Variants in KCTD20 observed in about 807,000 individuals in gnomAD.
KCTD20 encodes the protein potassium channel tetramerization domain containing 20.
In KCTD20, 30 loss-of-function variants were observed where a neutral mutation model predicts 39.6. That is an observed-to-expected ratio of 0.76 (90% confidence interval 0.57 to 1.03). The LOEUF (loss-of-function observed/expected upper bound fraction) is 1.03. Ranked by LOEUF, KCTD20 falls within the 50% of genes least tolerant of loss-of-function variation. The probability of loss-of-function intolerance (pLI) is 0.00; values close to 1 mark genes in which losing one functional copy is unlikely to be tolerated. For synonymous variants in KCTD20, 162 were observed against 180.6 expected, an observed-to-expected ratio of 0.90 and a Z score of 0.83; for missense variants, 422 against 522.0, an observed-to-expected ratio of 0.81 and a Z score of 1.87.
intron 1 of KCTD20, among the ~76,000 whole-genome samples, chr6:36,465,247 G>T (rs1174472682): frequency 1.3e-5 from 2 of 148,596 alleles, no homozygotes; most frequent in Admixed American, 6.8e-5. Context: ...AGTGAGCTGG[G>T]ATCGTACCAC....
chr6:36,443,982 G>A (rs778679821), intron 1 of KCTD20, among the ~76,000 whole-genome samples: 3 of 152,204 alleles, frequency 2.0e-5, no homozygotes, highest in Admixed American at 6.5e-5. Flanking sequence ...AAAACAAAGT[G>A]TTGTAGTAGT....
intron 1 of KCTD20, among the ~76,000 whole-genome samples, chr6:36,467,491 C>G (rs1775794732): frequency 6.7e-6 from 1 of 149,776 alleles, no homozygotes; most frequent in Non-Finnish European, 1.5e-5. Context: ...GGCGCCCCCA[C>G]CACGCCCGGG....
At position 36,477,481 on chromosome 6, in the gene KCTD20, C is replaced by CA. The variant is rs1356592469; in HGVS notation, c.435-1640_435-1639insA. On this transcript the variant is annotated intron_variant, in intron 3 of 7. Coordinates refer to ENST00000373731, the MANE Select transcript of KCTD20 (RefSeq NM_173562.5). ...ATGTGAAATGGAATCATTTTCTTTT[C>CA]TTTTTTTTTTTTTTTTTGAGACGGA... 2.6e-3 allele frequency among the ~76,000 whole-genome samples: 339 copies of CA among 130,930 alleles called. 2 individuals carry two copies. Among genetic ancestry groups the CA allele is most frequent in the African/African-American group, 9.2e-3 (321 of 34,944 alleles). The allele number at this position is 130,930 out of a possible 152,430, so 85.9% of individuals were successfully genotyped here.
At chr6:36,484,371 C>A (rs1362951470) in intron 6 of KCTD20, among the ~76,000 whole-genome samples, 1 of 151,210 alleles carries the variant, frequency 6.6e-6, no homozygotes, top group East Asian at 1.9e-4. Flanking sequence ...GCAGCTCTTT[C>A]TAATTAAGGA....
chr6:36,450,210 G>A (rs555005352), intron 1 of KCTD20, among the ~76,000 whole-genome samples: 4 of 149,436 alleles, frequency 2.7e-5, no homozygotes, highest in African/African-American at 4.9e-5. Context: ...TATTGGGGCC[G>A]GGTGCAATGG....
chr6:36,485,061 C>G (rs1776375762), intron 7 of KCTD20, among the ~76,000 whole-genome samples: 1 of 152,172 alleles, frequency 6.6e-6, no homozygotes, highest in Non-Finnish European at 1.5e-5. Context: ...GGATAAAGAG[C>G]AGCAAGGGCA....
chr6:36,474,906 C>A lies in KCTD20; in HGVS notation c.278C>A (p.Pro93His), dbSNP rs760432825. Residue 93 changes from proline (P) to histidine (H), a missense_variant, in exon 3 of 8, where the codon CCT becomes CAT. Coordinates refer to ENST00000373731, the MANE Select transcript of KCTD20 (RefSeq NM_173562.5). ...AGTGGGAATAAACGGAACCATGAAC[C>A]TTTTATTGCTCCAGAAAGATTTGGA... ...FQSGNKRNHE[P>H]FIAPERFGNS... The A allele has an allele frequency of 6.2e-7, 1 of 1,614,128 alleles. No homozygotes were observed. Among genetic ancestry groups the A allele is most frequent in the Non-Finnish European group, 8.5e-7 (1 of 1,180,028 alleles).
At position 36,487,966 on chromosome 6, in the gene KCTD20, T is replaced by C. The variant is rs1776476663; in HGVS notation, c.*791T>C. 1 of 152,244 alleles carries C rather than the reference T, an allele frequency of 6.6e-6. No homozygotes were observed. Among genetic ancestry groups the C allele is most frequent in the Non-Finnish European group, 1.5e-5 (1 of 68,040 alleles). The allele number at this position is 152,244 out of a possible 1,614,324, so 9.4% of individuals were successfully genotyped here. A position where few individuals can be genotyped will look rare whatever the true frequency, so the allele number is the denominator to read the frequency against. On this transcript the variant is annotated 3_prime_UTR_variant, in exon 8 of 8. Coordinates refer to ENST00000373731, the MANE Select transcript of KCTD20 (RefSeq NM_173562.5). ...TGGGTTATCCTGGCTTGGAATCTGGTGTGAAACCATAGGTCTTAACACTCT... is the reference window on the plus strand; with the variant it reads ...TGGGTTATCCTGGCTTGGAATCTGGCGTGAAACCATAGGTCTTAACACTCT...
At chr6:36,466,706 C>T (rs1376962312) in intron 1 of KCTD20, among the ~76,000 whole-genome samples, 2 of 151,320 alleles carry the variant, frequency 1.3e-5, no homozygotes, top group African/African-American at 2.4e-5. Flanking sequence ...TTTTTTTTTC[C>T]CCGCCTTCAA....
chr6:36,451,886 C>T (rs1393397652), intron 1 of KCTD20, among the ~76,000 whole-genome samples: 1 of 152,234 alleles, frequency 6.6e-6, no homozygotes, highest in African/African-American at 2.4e-5. Flanking sequence ...TCTCAGCTCA[C>T]TGCAACCTCC....
chr6:36,485,910 CTTTTT>C (rs539635393), intron 7 of KCTD20, among the ~76,000 whole-genome samples: 22 of 147,588 alleles, frequency 1.5e-4, no homozygotes, highest in Non-Finnish European at 3.3e-4. Flanking sequence ...AGTTGGAGGA[CTTTTT>C]TTTTTAAGAG....
At chr6:36,464,378 G>C (rs952859820) in intron 1 of KCTD20, among the ~76,000 whole-genome samples, 1 of 152,132 alleles carries the variant, frequency 6.6e-6, no homozygotes, top group African/African-American at 2.4e-5. Context: ...GAGTGCAATG[G>C]CATGATAATG....
chr6:36,487,949 C>G lies in KCTD20; in HGVS notation c.*774C>G, dbSNP rs1342962432. 6.6e-6 allele frequency: 1 copy of G among 152,152 alleles called. No homozygotes were observed. The highest frequency in any genetic ancestry group is 1.9e-4 in the East Asian group (1 of 5,202). The allele number at this position is 152,152 out of a possible 1,614,324, so 9.4% of individuals were successfully genotyped here. A position where few individuals can be genotyped will look rare whatever the true frequency, so the allele number is the denominator to read the frequency against. On this transcript the variant is annotated 3_prime_UTR_variant, in exon 8 of 8. Coordinates refer to ENST00000373731, the MANE Select transcript of KCTD20 (RefSeq NM_173562.5). Reference sequence around the variant, plus strand: ...CTCCAAATCAGGCCAGTTGGGTTATCCTGGCTTGGAATCTGGTGTGAAACC... The same window carrying G: ...CTCCAAATCAGGCCAGTTGGGTTATGCTGGCTTGGAATCTGGTGTGAAACC...
At chr6:36,476,654 T>C (rs547767517) in intron 3 of KCTD20, among the ~76,000 whole-genome samples, 6 of 152,208 alleles carry the variant, frequency 3.9e-5, no homozygotes, top group Admixed American at 2.0e-4. Context: ...GGTCTTGAAC[T>C]CCTGACCTCG....
At chr6:36,485,873 A>AC (rs1324638984) in intron 7 of KCTD20, among the ~76,000 whole-genome samples, 1 of 151,138 alleles carries the variant, frequency 6.6e-6, no homozygotes, top group East Asian at 1.9e-4. Flanking sequence ...TCAAAGCTTC[A>AC]CTGTGTCTGA....
At chr6:36,478,973 T>C in intron 3 of KCTD20, 148 bp from the exon 4 acceptor site, 1 of 576,396 alleles carries the variant, frequency 1.7e-6, no homozygotes, top group Non-Finnish European at 3.1e-6. Context: ...TGAGGTGTCT[T>C]GTAGGCATTG....
intron 1 of KCTD20, among the ~76,000 whole-genome samples, chr6:36,447,629 CA>C (rs1014430837): frequency 4.1e-4 from 54 of 132,194 alleles, no homozygotes; most frequent in Non-Finnish European, 2.8e-4. Flanking sequence ...GACTCTGTCT[CA>C]AAAAAAAAAA....
intron 1 of KCTD20, chr6:36,451,279 T>A (rs1392172884): frequency 6.6e-6 from 1 of 152,226 alleles, no homozygotes; most frequent in African/African-American, 2.4e-5. Flanking sequence ...TTTTTAGAGA[T>A]ACATTTTCAT....
At position 36,443,078 on chromosome 6, in the gene KCTD20, GC is replaced by G. The variant is rs1358786456; in HGVS notation, c.-76del. On this transcript the variant is annotated 5_prime_UTR_variant, in exon 1 of 8. Coordinates refer to ENST00000373731, the MANE Select transcript of KCTD20 (RefSeq NM_173562.5). ...GCGCGCGCCTCCCGGGCGGATTCCA[GC>G]CCCGAGCGGGACAGCGCGGCGGGGA... is the stretch of plus-strand genomic sequence containing the variant. 6.6e-6 allele frequency: 1 copy of G among 151,942 alleles called. No individual in the cohort carries two copies. Among genetic ancestry groups the G allele is most frequent in the Non-Finnish European group, 1.5e-5 (1 of 68,002 alleles). The allele number at this position is 151,942 out of a possible 1,614,324, so 9.4% of individuals were successfully genotyped here.
Sources: allele counts gnomAD v4.1 joint callset (sites outside exome capture counted in the v4.1 genomes callset), GRCh38; gene constraint gnomAD v4.1.1; transcripts MANE v1.5; gene names NCBI Gene and HGNC (gene_info 2026-07-23, HGNC 2026-07-21).